The following ARHGDIB variants were observed in gnomAD, a reference collection of about 807,000 sequenced individuals.
ARHGDIB encodes Rho GDP dissociation inhibitor beta.
In ARHGDIB, 20 loss-of-function variants were observed where a neutral mutation model predicts 22.6. The observed-to-expected ratio is 0.88, with a 90% CI of 0.62 to 1.28. The LOEUF (loss-of-function observed/expected upper bound fraction) is 1.28. Ranked by LOEUF, ARHGDIB falls within the 50% of genes most tolerant of loss-of-function variation. The probability of loss-of-function intolerance (pLI) is 0.00; values close to 1 mark genes in which losing one functional copy is unlikely to be tolerated. For missense variants in ARHGDIB, 254 were observed against 245.4 expected (o/e 1.04, Z -0.23); for synonymous variants, 114 against 96.1 (o/e 1.19, Z -1.09).
In ARHGDIB at chr12:14,945,177, C is replaced by G. The variant is rs576687077; in HGVS notation, c.343-338G>C. 1.7e-3 allele frequency among the ~76,000 whole-genome samples: 266 copies of G among 152,306 alleles called. 2 individuals carry two copies. The highest frequency in any genetic ancestry group is 6.2e-3 in the African/African-American group (256 of 41,558). ...CCAAGAATGGCCTTGAGCTTTCCCTCTCCAATACTGCTGACCAAGAGACCA... is the reference window on the plus strand; with the variant it reads ...CCAAGAATGGCCTTGAGCTTTCCCTGTCCAATACTGCTGACCAAGAGACCA... On this transcript the variant is annotated intron_variant, in intron 4 of 5. Transcript: ENST00000228945.
Position 14,947,034 on chromosome 12 carries a change from T to TGTATGATTTCC in ARHGDIB, c.342+838_342+839insGGAAATCATAC, listed in dbSNP as rs543902636. On this transcript the variant is annotated intron_variant, in intron 4 of 5. Transcript: ENST00000228945. ...GGTCATCCATAAACCCTGAATCATA[T>TGTATGATTTCC]CCTGTACCTTGGGGAAAAAAGTTCC... Among the ~76,000 whole-genome samples, 681 of 152,272 alleles carry TGTATGATTTCC rather than the reference T, an allele frequency of 4.5e-3. 3 individuals are homozygous for TGTATGATTTCC. The highest frequency in any genetic ancestry group is 0.016 in the African/African-American group (653 of 41,554).
At chr12:14,947,235 TGCTCATTGGGATATATG>T (rs952040676) in intron 4 of ARHGDIB, among the ~76,000 whole-genome samples, 3 of 152,362 alleles carry the variant, frequency 2.0e-5, no homozygotes, top group South Asian at 2.1e-4. Context: ...TGATTTTGGC[TGCTCATTGGGATATATG>T]GCTCATTGGG....
intron 1 of ARHGDIB, among the ~76,000 whole-genome samples, chr12:14,957,270 T>C (rs1014525689): frequency 1.3e-5 from 2 of 152,132 alleles, no homozygotes; most frequent in African/African-American, 4.8e-5. Context: ...ACATGAAAAA[T>C]TATAGGACTA....
chr12:14,959,055 C>T (rs1031927028), intron 1 of ARHGDIB, among the ~76,000 whole-genome samples: 4 of 152,132 alleles, frequency 2.6e-5, no homozygotes, highest in Non-Finnish European at 4.4e-5. Context: ...CTCAGGAGGT[C>T]GAGGCTGCAG....
intron 1 of ARHGDIB, among the ~76,000 whole-genome samples, chr12:14,957,618 T>G (rs764391981): frequency 5.9e-5 from 9 of 152,198 alleles, no homozygotes; most frequent in Admixed American, 3.3e-4. Context: ...CCTGTCTTCA[T>G]TGAAGCCAGA....
rs201666982 is a variant in ARHGDIB at position 14,942,591 on chromosome 12, G to T, written c.537C>A (p.Thr179=). 16 of 1,614,168 alleles carry T rather than the reference G, an allele frequency of 9.9e-6. No individual in the cohort carries two copies. In the East Asian group the frequency reaches 3.6e-4, roughly 36 times the overall value. Residue 179 remains threonine (T), a synonymous_variant, in exon 6 of 6, where the codon ACC becomes ACA. Coordinates refer to ENST00000228945, the MANE Select transcript of ARHGDIB (RefSeq NM_001175.7). ...TGAGGTGGTCTTGCTTGTCATCGTCGGTGAAGAAGGACTTGTTGTGGTACG... is the reference window on the plus strand; with the variant it reads ...TGAGGTGGTCTTGCTTGTCATCGTCTGTGAAGAAGGACTTGTTGTGGTACG... The part of the protein sequence containing the change: ...RGTYHNKSFF[T]DDDKQDHLSW...
At chr12:14,949,491 T>C (rs957711045) in intron 3 of ARHGDIB, among the ~76,000 whole-genome samples, 1 of 152,238 alleles carries the variant, frequency 6.6e-6, no homozygotes, top group Non-Finnish European at 1.5e-5. Context: ...ACACAATTTG[T>C]TTCTTAATAT....
At chr12:14,950,025 T>C in intron 2 of ARHGDIB, 140 bp from the exon 3 acceptor site, 1 of 777,162 alleles carries the variant, frequency 1.3e-6, no homozygotes, top group Non-Finnish European at 2.0e-6. Flanking sequence ...ATGTGGCAGG[T>C]TTGCTATGCT....
chr12:14,960,969 A>T (rs1864399120), intron 1 of ARHGDIB, among the ~76,000 whole-genome samples: 1 of 152,230 alleles, frequency 6.6e-6, no homozygotes, highest in Admixed American at 6.5e-5. Context: ...CTGCACTCTA[A>T]GGGAGGATTT....
At chr12:14,958,687 C>G (rs1164951528) in intron 1 of ARHGDIB, among the ~76,000 whole-genome samples, 2 of 152,162 alleles carry the variant, frequency 1.3e-5, no homozygotes, top group Admixed American at 1.3e-4. Flanking sequence ...TTTAAATTAG[C>G]ATGAAAAGTT....
At chr12:14,949,698 C>A (rs927535074) in intron 3 of ARHGDIB, 104 bp downstream of exon 3, 1 of 986,102 alleles carries the variant, frequency 1.0e-6, no homozygotes. Context: ...GCATATATAT[C>A]TCTCTGATTC....
At chr12:14,944,334 C>A (rs930257971) in intron 5 of ARHGDIB, among the ~76,000 whole-genome samples, 2 of 152,058 alleles carry the variant, frequency 1.3e-5, no homozygotes, top group Non-Finnish European at 2.9e-5. Flanking sequence ...TTGCCTCCCC[C>A]TTCCCTCCAA....
At chr12:14,954,001 C>G (rs1460172626) in intron 1 of ARHGDIB, among the ~76,000 whole-genome samples, 1 of 149,082 alleles carries the variant, frequency 6.7e-6, no homozygotes, top group African/African-American at 2.5e-5. Flanking sequence ...TTTTTTGAGG[C>G]ATAGTTTTAC....
intron 5 of ARHGDIB, 104 bp downstream of exon 5, chr12:14,944,672 A>G (rs1565458849): frequency 2.7e-6 from 3 of 1,111,638 alleles, no homozygotes. Context: ...CACAGCTTTT[A>G]TTGTATTCTC....
chr12:14,945,917 T>G (rs905000865), intron 4 of ARHGDIB, among the ~76,000 whole-genome samples: 3 of 152,182 alleles, frequency 2.0e-5, no homozygotes, highest in African/African-American at 7.2e-5. Context: ...GAGTCTCAAA[T>G]GTAGCTCATA....
At position 14,949,149 on chromosome 12, in the gene ARHGDIB, G is replaced by A. The variant is rs78105256; in HGVS notation, c.265+653C>T. ...TTGAAGGCCCCAATCTCCTGGCTCC[G>A]TGCTTCTCCTCTCATATCCCCTCTG... On this transcript the variant is annotated intron_variant, in intron 3 of 5. Coordinates refer to ENST00000228945, the MANE Select transcript of ARHGDIB (RefSeq NM_001175.7). Among the ~76,000 whole-genome samples the A allele has an allele frequency of 7.3e-3, 1,109 of 151,740 alleles. 16 individuals are homozygous for A. Among genetic ancestry groups the A allele is most frequent in the African/African-American group, 0.025 (1,047 of 41,308 alleles).
intron 1 of ARHGDIB, among the ~76,000 whole-genome samples, chr12:14,953,073 T>A (rs1864217366): frequency 6.6e-6 from 1 of 152,170 alleles, no homozygotes; most frequent in African/African-American, 2.4e-5. Flanking sequence ...AACATATAGG[T>A]CTTGATCTTC....
chr12:14,952,697 A>G (rs4763408), intron 1 of ARHGDIB, among the ~76,000 whole-genome samples: 38,781 of 152,104 alleles, frequency 0.25, 5,021 homozygotes, highest in Middle Eastern at 0.31. Flanking sequence ...AGACAGGGGC[A>G]TACCCAGAAC....
At chr12:14,947,810 A>G (rs775826878) in intron 4 of ARHGDIB, 63 bp downstream of exon 4, 14 of 1,333,732 alleles carry the variant, frequency 1.0e-5, no homozygotes, top group Non-Finnish European at 1.5e-5. Context: ...CATGCAAGAA[A>G]TGTAGTCACT....
Sources: allele counts gnomAD v4.1 joint callset (sites outside exome capture counted in the v4.1 genomes callset), GRCh38; gene constraint gnomAD v4.1.1; transcripts MANE v1.5; gene names NCBI Gene and HGNC (gene_info 2026-07-23, HGNC 2026-07-21).